Variants in ZMAT4 observed in about 807,000 individuals in gnomAD.
ZMAT4 encodes the protein zinc finger matrin-type protein 4.
Under a neutral mutation model 28.7 loss-of-function variants are expected in ZMAT4, and 17 were observed. The observed-to-expected ratio is 0.59, with a 90% CI of 0.41 to 0.89. The LOEUF (loss-of-function observed/expected upper bound fraction) is 0.89. ZMAT4 is among the 40% of genes least tolerant of loss of function. ZMAT4 has a pLI of 0.00. For synonymous variants in ZMAT4, 117 were observed against 109.2 expected (o/e 1.07, Z -0.44); for missense variants, 240 against 283.8 (o/e 0.85, Z 1.11).
intron 5 of ZMAT4, among the ~76,000 whole-genome samples, chr8:40,630,077 G>T (rs1277874371): frequency 6.6e-6 from 1 of 152,034 alleles, no homozygotes; most frequent in Non-Finnish European, 1.5e-5. Context: ...GCTCCACAGG[G>T]CAGGTTCTAT....
intron 4 of ZMAT4, chr8:40,690,833 A>T: frequency 1.1e-6 from 1 of 909,516 alleles, no homozygotes; most frequent in Non-Finnish European, 1.3e-6. Flanking sequence ...AAGGAAAAAA[A>T]GAAGAGAACC....
chr8:40,647,747 T>A (rs1241694322), intron 5 of ZMAT4, among the ~76,000 whole-genome samples: 5 of 152,108 alleles, frequency 3.3e-5, no homozygotes, highest in Non-Finnish European at 5.9e-5. Flanking sequence ...ACAGACTGCC[T>A]CCTCAAGTGG....
chr8:40,801,525 C>A (rs750519411), intron 2 of ZMAT4, among the ~76,000 whole-genome samples: 4 of 151,564 alleles, frequency 2.6e-5, no homozygotes, highest in Non-Finnish European at 5.9e-5. Context: ...AAAAAATTAA[C>A]TGGGTGAGGT....
At chr8:40,540,511 C>T (rs1802995761) in intron 6 of ZMAT4, among the ~76,000 whole-genome samples, 1 of 152,184 alleles carries the variant, frequency 6.6e-6, no homozygotes, top group Non-Finnish European at 1.5e-5. Flanking sequence ...TTCTTATATA[C>T]ATCTTGTCAT....
rs745870429 is a variant in ZMAT4 at position 40,581,267 on chromosome 8, G to C, written c.578-6C>G. On this transcript the variant is annotated splice_region_variant and splice_polypyrimidine_tract_variant and intron_variant, in intron 5 of 6. Coordinates refer to ENST00000297737, the MANE Select transcript of ZMAT4 (RefSeq NM_024645.3). The stretch of plus-strand genomic sequence containing the variant: ...TCTGTAATTGCGCCTCAGACCTGTG[G>C]ACAACAGACAGACCTGGTTAGCTGC... 6.2e-7 allele frequency: 1 copy of C among 1,611,888 alleles called. No homozygotes were observed. The highest frequency in any genetic ancestry group is 1.7e-5 in the Admixed American group (1 of 59,976).
intron 2 of ZMAT4, among the ~76,000 whole-genome samples, chr8:40,812,453 A>G (rs1376748263): frequency 6.6e-6 from 1 of 152,242 alleles, no homozygotes; most frequent in African/African-American, 2.4e-5. Context: ...CTTGACCAGT[A>G]ATCTTCAATA....
chr8:40,640,090 C>A (rs1806953897), intron 5 of ZMAT4, among the ~76,000 whole-genome samples: 1 of 152,164 alleles, frequency 6.6e-6, no homozygotes, highest in Admixed American at 6.5e-5. Context: ...AATCCTCCCA[C>A]CTCAGCCTCC....
chr8:40,750,331 A>G (rs893358089), intron 3 of ZMAT4, among the ~76,000 whole-genome samples: 3 of 152,178 alleles, frequency 2.0e-5, no homozygotes, highest in Non-Finnish European at 4.4e-5. Flanking sequence ...GGGAATGCCC[A>G]GAGGTTACTA....
chr8:40,669,043 T>C (rs151110180), intron 5 of ZMAT4, among the ~76,000 whole-genome samples: 10 of 152,214 alleles, frequency 6.6e-5, no homozygotes, highest in African/African-American at 2.4e-4. Flanking sequence ...CACAGTACTC[T>C]ATGGACAGGA....
At chr8:40,767,506 T>C in intron 3 of ZMAT4, 135 bp downstream of exon 3, 2 of 692,812 alleles carry the variant, frequency 2.9e-6, no homozygotes, top group African/African-American at 1.8e-5. Context: ...ATAGTACCTG[T>C]AATATTTAGT....
intron 1 of ZMAT4, among the ~76,000 whole-genome samples, chr8:40,854,560 G>T (rs1193814012): frequency 6.6e-6 from 1 of 152,186 alleles, no homozygotes; most frequent in Non-Finnish European, 1.5e-5. Flanking sequence ...AGGCAGAAGG[G>T]ATTCCAGGAG....
intron 6 of ZMAT4, among the ~76,000 whole-genome samples, chr8:40,572,591 T>C (rs900746658): frequency 2.6e-5 from 4 of 152,192 alleles, no homozygotes; most frequent in Admixed American, 1.3e-4. Context: ...GAATTGTTCA[T>C]TAATCTATGG....
chr8:40,542,829 G>A (rs533043309), intron 6 of ZMAT4, among the ~76,000 whole-genome samples: 2 of 152,274 alleles, frequency 1.3e-5, no homozygotes, highest in African/African-American at 2.4e-5. Flanking sequence ...ATCACTAAAT[G>A]GCTGCATTGG....
intron 2 of ZMAT4, chr8:40,786,604 A>T: frequency 2.0e-6 from 2 of 1,001,260 alleles, no homozygotes; most frequent in East Asian, 1.2e-4. Flanking sequence ...CGTTCTGGTT[A>T]TTCTCTTGTG....
Position 40,847,235 on chromosome 8 carries a change from G to A in ZMAT4, c.-4-21555C>T, listed in dbSNP as rs114907687. Among the ~76,000 whole-genome samples the A allele has an allele frequency of 6.5e-3, 982 of 151,564 alleles. 17 individuals carry two copies. The highest frequency in any genetic ancestry group is 0.023 in the African/African-American group (930 of 41,326). On this transcript the variant is annotated intron_variant, in intron 1 of 6. Transcript: ENST00000297737. Reference sequence around the variant, plus strand: ...CAAACAAACAAAAAAAAAAAACTGGGGGAAATCCAGTCACCTTGGAGAAAA... The same window carrying A: ...CAAACAAACAAAAAAAAAAAACTGGAGGAAATCCAGTCACCTTGGAGAAAA...
At chr8:40,570,618 T>C (rs1171284776) in intron 6 of ZMAT4, among the ~76,000 whole-genome samples, 1 of 152,110 alleles carries the variant, frequency 6.6e-6, no homozygotes, top group Non-Finnish European at 1.5e-5. Flanking sequence ...GAGGATCATT[T>C]AAGTCCAGGA....
chr8:40,672,919 T>TA (rs1482923573), intron 5 of ZMAT4, among the ~76,000 whole-genome samples: 4 of 152,218 alleles, frequency 2.6e-5, no homozygotes, highest in Admixed American at 6.5e-5. Context: ...TTATCCAACA[T>TA]ACTGAAATAG....
At chr8:40,747,970 C>A (rs1812307220) in intron 3 of ZMAT4, among the ~76,000 whole-genome samples, 1 of 151,790 alleles carries the variant, frequency 6.6e-6, no homozygotes, top group South Asian at 2.1e-4. Flanking sequence ...TTTAAACGAC[C>A]AACATTGTGT....
chr8:40,886,866 C>T (rs1818467111), intron 1 of ZMAT4, among the ~76,000 whole-genome samples: 1 of 144,912 alleles, frequency 6.9e-6, no homozygotes, highest in Admixed American at 7.0e-5. Flanking sequence ...ATTGGAATGA[C>T]TGATTTAAAA....
Sources: allele counts gnomAD v4.1 joint callset (sites outside exome capture counted in the v4.1 genomes callset), GRCh38; gene constraint gnomAD v4.1.1; transcripts MANE v1.5; gene names NCBI Gene and HGNC (gene_info 2026-07-23, HGNC 2026-07-21).